Variants in CRYAB observed in about 807,000 individuals in gnomAD.
CRYAB encodes alpha-crystallin B chain.
CRYAB carries 9 observed loss-of-function variants against 12.7 expected under a neutral mutation model. The observed-to-expected ratio is 0.71, with a 90% CI of 0.43 to 1.24. The LOEUF is 1.24. Among genes scored for constraint, CRYAB ranks in the 50% most tolerant of loss-of-function variants. The pLI, the probability that CRYAB is intolerant of heterozygous loss-of-function variation, is 0.00. For missense variants in CRYAB, 183 were observed against 226.6 expected, an observed-to-expected ratio of 0.81 and a Z score of 1.24; for synonymous variants, 93 against 86.8, an observed-to-expected ratio of 1.07 and a Z score of -0.40.
At chr11:111,915,093 T>G (rs117031256), upstream of CRYAB, among the ~76,000 whole-genome samples, 23 of 152,166 alleles carry the variant, frequency 1.5e-4, no homozygotes, top group East Asian at 4.3e-3. Flanking sequence ...TGAATTGAAT[T>G]AAATTAAGTG....
chr11:111,911,867 A>C (rs985862190), upstream of CRYAB: 1 of 646,992 alleles, frequency 1.5e-6, no homozygotes, highest in East Asian at 2.7e-5. Flanking sequence ...CCAGCAGTTC[A>C]TGGAGACTTG....
At chr11:111,913,002 T>C, upstream of CRYAB, 1 of 917,050 alleles carries the variant, frequency 1.1e-6, no homozygotes, top group South Asian at 1.5e-5. Context: ...GTTGCTGGCC[T>C]CCACCCCACT....
upstream of CRYAB, chr11:111,911,964 A>G: frequency 3.7e-6 from 2 of 534,368 alleles, no homozygotes; most frequent in Non-Finnish European, 3.4e-6. Context: ...CCGGCCAGTG[A>G]CTTGTCATGG....
At chr11:111,913,276 G>A (rs1487703421), upstream of CRYAB, 1 of 649,234 alleles carries the variant, frequency 1.5e-6, no homozygotes, top group Non-Finnish European at 2.7e-6. Context: ...CCCCTCTTCC[G>A]AGCTGCCTTC....
At chr11:111,920,200 T>C (rs1965668773) in intron 1 of CRYAB, among the ~76,000 whole-genome samples, 1 of 150,824 alleles carries the variant, frequency 6.6e-6, no homozygotes, top group Non-Finnish European at 1.5e-5. Flanking sequence ...GTCTCAAAAA[T>C]AAAATAAAAT....
At chr11:111,917,266 T>C (rs1293826889), upstream of CRYAB, among the ~76,000 whole-genome samples, 1 of 152,188 alleles carries the variant, frequency 6.6e-6, no homozygotes, top group Non-Finnish European at 1.5e-5. Context: ...GTTTGAACTG[T>C]ATCCTGTAGG....
chr11:111,919,329 T>G (rs1186032170), intron 1 of CRYAB: 4 of 271,648 alleles, frequency 1.5e-5, no homozygotes, highest in Non-Finnish European at 7.3e-6. Flanking sequence ...AAAAATTAGC[T>G]GGGCATGGTG....
chr11:111,910,333 C>T lies in CRYAB; in HGVS notation c.318G>A (p.Glu106=). ...AAAAAAACAAGCTACATACCTGGCG[C>T]TCTTCATGTTTTCCATGCACCTCAA... ...DVIEVHGKHE[E]RQDEHGFISR... is the part of the protein sequence containing the mutation. The change falls in exon 2 of 3, where the codon GAG becomes GAA. Residue 106 remains glutamate, a synonymous_variant. Coordinates refer to ENST00000650687, the MANE Select transcript of CRYAB (RefSeq NM_001289808.2). 3.1e-6 allele frequency: 5 copies of T among 1,614,230 alleles called. No homozygotes were observed. Among genetic ancestry groups the T allele is most frequent in the Non-Finnish European group, 4.2e-6 (5 of 1,180,036 alleles).
chr11:111,919,196 T>C (rs371322187), intron 1 of CRYAB: 25 of 656,460 alleles, frequency 3.8e-5, no homozygotes, highest in East Asian at 1.4e-4. Flanking sequence ...GCCAAGTGGC[T>C]GGGCGCGGTG....
At chr11:111,913,295 G>C, upstream of CRYAB, 1 of 674,616 alleles carries the variant, frequency 1.5e-6, no homozygotes, top group South Asian at 1.7e-5. Flanking sequence ...TCTCCTCCTA[G>C]CTACAGTGTG....
intron 1 of CRYAB, among the ~76,000 whole-genome samples, chr11:111,921,412 C>T (rs1965696731): frequency 6.6e-6 from 1 of 152,174 alleles, no homozygotes; most frequent in Admixed American, 6.5e-5. Flanking sequence ...AATACGTAGC[C>T]ACTTCATAAA....
chr11:111,908,658 T>C lies in CRYAB; in HGVS notation c.*106A>G, dbSNP rs1283722416. 5 of 1,010,342 alleles carry C rather than the reference T, an allele frequency of 4.9e-6. No individual in the cohort carries two copies. Among genetic ancestry groups the C allele is most frequent in the Non-Finnish European group, 1.6e-6 (1 of 645,128 alleles). 62.6% of individuals were successfully genotyped at this position (1,010,342 alleles called of 1,614,324 possible). ...AATGATATTTTATTAGCTTGATAAT[T>C]TGGGCCTGCCCTTAGCATTAATAAG... is the stretch of plus-strand genomic sequence containing the variant. On this transcript the variant is annotated 3_prime_UTR_variant, in exon 3 of 3. Transcript: ENST00000650687.
chr11:111,913,217 C>G, upstream of CRYAB: 1 of 604,302 alleles, frequency 1.7e-6, no homozygotes, highest in South Asian at 2.0e-5. Flanking sequence ...TCCTCCTCCC[C>G]CTCCTCCTCC....
rs1168775790 is a variant in CRYAB at position 111,910,358 on chromosome 11, A to G, written c.293T>C (p.Ile98Thr). 6.2e-7 allele frequency: 1 copy of G among 1,614,238 alleles called. No homozygotes were observed. Among genetic ancestry groups the G allele is most frequent in the East Asian group, 2.2e-5 (1 of 44,890 alleles). ...ELKVKVLGDV[I>T]EVHGKHEERQ... ...CTCTTCATGTTTTCCATGCACCTCA[A>G]TCACATCTCCCAACACCTTAACTTT... is the stretch of plus-strand genomic sequence containing the variant. Residue 98 changes from isoleucine to threonine, a missense_variant, in exon 2 of 3, where the codon ATT (isoleucine) becomes ACT (threonine). This residue lies in a region of CRYAB where 95 missense variants were observed against 112.5 expected (regional missense o/e 0.84). Transcript: ENST00000650687.
chr11:111,913,280 T>A, upstream of CRYAB: 2 of 660,590 alleles, frequency 3.0e-6, no homozygotes, highest in Non-Finnish European at 5.4e-6. Flanking sequence ...TCTTCCGAGC[T>A]GCCTTCTCCT....
upstream of CRYAB, chr11:111,911,952 AG>A (rs1423408242): frequency 5.4e-6 from 3 of 553,792 alleles, no homozygotes; most frequent in Non-Finnish European, 9.7e-6. Flanking sequence ...AACACGTCTG[AG>A]CCGGCCAGTG....
At chr11:111,914,742 C>A (rs587650639), upstream of CRYAB, among the ~76,000 whole-genome samples, 3 of 152,258 alleles carry the variant, frequency 2.0e-5, no homozygotes, top group South Asian at 6.2e-4. Flanking sequence ...ATACATATTT[C>A]ATTAGGCTGT....
chr11:111,918,813 A>C (rs1041594113), intron 1 of CRYAB: 1 of 756,070 alleles, frequency 1.3e-6, no homozygotes, highest in East Asian at 2.7e-5. Context: ...TCACCTGGGA[A>C]TCATTCCAGC....
At chr11:111,914,081 C>A, upstream of CRYAB, 3 of 604,990 alleles carry the variant, frequency 5.0e-6, no homozygotes, top group Non-Finnish European at 2.9e-6. Flanking sequence ...TGAATAAACC[C>A]AAATCTCAGG....
Sources: gnomAD v4.1 joint callset for allele counts (sites outside exome capture counted in the v4.1 genomes callset) on GRCh38, gnomAD v4.1.1 for gene constraint, gnomAD v4.1.1 regional missense constraint, MANE v1.5 for transcripts, NCBI Gene and HGNC (gene_info 2026-07-23, HGNC 2026-07-21) for gene names.